Variants in MYO7B observed in about 807,000 individuals in gnomAD.
The protein encoded by MYO7B is myosin VIIB.
A neutral mutation model predicts 259.7 loss-of-function variants in MYO7B; 212 were observed. The ratio of observed to expected loss-of-function variants is 0.82; its 90% confidence interval spans 0.73 to 0.91. The LOEUF is 0.91. Among genes scored for constraint, MYO7B ranks in the 40% least tolerant of loss-of-function variants. MYO7B has a pLI of 0.00. For missense variants in MYO7B, 2,732 were observed against 2,813.5 expected (o/e 0.97, Z 0.66); for synonymous variants, 1,197 against 1,166.4 (o/e 1.03, Z -0.54).
rs375131820 is a variant in MYO7B at position 127,609,965 on chromosome 2, G to T, written c.3141G>T (p.Thr1047=). 3.1e-6 allele frequency: 5 copies of T among 1,607,542 alleles called. No individual in the cohort carries two copies. The highest frequency in any genetic ancestry group is 2.2e-5 in the South Asian group (2 of 90,134). ...CAGTGATGCGGCAGATCCATGACAC[G>T]CTGGGCAGGGAGCACGGTGCCCAGG... ...GSSVMRQIHD[T]LGREHGAQVP... Residue 1047 remains threonine, a synonymous_variant, in exon 24 of 48, where the codon ACG becomes ACT. Transcript: ENST00000409816. The surrounding 1 kb of genome is among the most constrained non-coding windows in gnomAD (Gnocchi z 6.9).
Position 127,628,373 on chromosome 2 carries a change from G to T in MYO7B, c.4462G>T (p.Glu1488Ter), listed in dbSNP as rs192900059. The T allele has an allele frequency of 3.0e-5, 48 of 1,599,074 alleles. No individual in the cohort carries two copies. Among genetic ancestry groups the T allele is most frequent in the Non-Finnish European group, 3.7e-5 (44 of 1,175,236 alleles). ...PEVMGLATNR[E>*]AQGGQRLLLS... Reference sequence around the variant, plus strand: ...GGTCACGCTGTCCTTCATCTCCAGGGAGGCCCAGGGCGGGCAGAGGCTGCT... The same window carrying T: ...GGTCACGCTGTCCTTCATCTCCAGGTAGGCCCAGGGCGGGCAGAGGCTGCT... The change falls in exon 34 of 48, where the codon GAG becomes TAG. Residue 1488 changes from glutamate (E) to a stop codon, truncating the protein, a stop_gained and splice_region_variant. Transcript: ENST00000409816. LOFTEE classifies it high-confidence loss of function. This position sits in a 1 kb window ranked among gnomAD's most constrained non-coding sequence, Gnocchi z 4.8.
At position 127,592,930 on chromosome 2, in the gene MYO7B, A is replaced by G. The variant is rs1573666166; in HGVS notation, c.2129A>G (p.Asn710Ser). The G allele has an allele frequency of 6.3e-7, 1 of 1,597,930 alleles. No homozygotes were observed. The highest frequency in any genetic ancestry group is 8.5e-7 in the Non-Finnish European group (1 of 1,173,142). Residue 710 changes from asparagine (N) to serine (S), a missense_variant, in exon 17 of 48, where the codon AAC becomes AGC. Asn to Ser is a conservative substitution (Grantham distance 46). Around this residue, in one of 3 missense-constraint regions of MYO7B, gnomAD observed 1,906 missense variants for 2,026.4 expected, o/e 0.94. Coordinates refer to ENST00000409816, the MANE Select transcript of MYO7B (RefSeq NM_001393586.1). Reference protein sequence around the residue: ...FSQRFGVLLPNAMRMQLQGKL... With the variant: ...FSQRFGVLLPSAMRMQLQGKL... Reference sequence around the variant, plus strand: ...CAGAGGTTCGGCGTGTTGCTGCCCAACGCCATGCGGATGCAGGTCAGCGCC... The same window carrying G: ...CAGAGGTTCGGCGTGTTGCTGCCCAGCGCCATGCGGATGCAGGTCAGCGCC...
chr2:127,588,250 G>A, intron 14 of MYO7B, 142 bp from the exon 15 acceptor site: 1 of 909,878 alleles, frequency 1.1e-6, no homozygotes, highest in Non-Finnish European at 1.6e-6. Context: ...GGGTAGAGGG[G>A]TGGAGAGCAT....
intron 31 of MYO7B, 57 bp from the exon 32 acceptor site, chr2:127,626,918 T>G (rs1681158387): frequency 1.4e-6 from 2 of 1,457,950 alleles, no homozygotes; most frequent in South Asian, 1.2e-5. Context: ...GAGCACTAGG[T>G]GAGGGATTCA....
In MYO7B at chr2:127,627,794, T is replaced by C. The variant is rs1414511158; in HGVS notation, c.4460+484T>C. The C allele has an allele frequency of 6.6e-6, 3 of 457,660 alleles. No homozygotes were observed. Among genetic ancestry groups the C allele is most frequent in the Non-Finnish European group, 1.3e-5 (3 of 227,760 alleles). 28.3% of individuals were successfully genotyped at this position (457,660 alleles called of 1,614,324 possible). A position where few individuals can be genotyped will look rare whatever the true frequency, so the allele number is the denominator to read the frequency against. ...ATGGATCTCATTGACTGGGAACTTT[T>C]CCATGCCCTTTGGGAAGTCCCACCC... On this transcript the variant is annotated intron_variant, in intron 33 of 47. Coordinates refer to ENST00000409816, the MANE Select transcript of MYO7B (RefSeq NM_001393586.1). The surrounding 1 kb of genome is among the most constrained non-coding windows in gnomAD (Gnocchi z 5.6).
At chr2:127,567,252 AAG>A (rs1457638769) in intron 5 of MYO7B, among the ~76,000 whole-genome samples, 17 of 152,334 alleles carry the variant, frequency 1.1e-4, no homozygotes, top group African/African-American at 3.8e-4. Flanking sequence ...AAAATAAAAA[AAG>A]AAAAAGATAT....
In MYO7B at chr2:127,596,327, G is replaced by C. The variant is rs549860715; in HGVS notation, c.2245-135G>C. On this transcript the variant is annotated intron_variant, in intron 18 of 47. Transcript: ENST00000409816. ...CTCTGAGCAACATCAAGGTCACTTT[G>C]AGGGCCCCCTTCTCTGGCCTGCCCT... is the stretch of plus-strand genomic sequence containing the variant. 1.6e-5 allele frequency: 11 copies of C among 684,460 alleles called. No homozygotes were observed. The South Asian group carries it at 1.7e-4, about 11-fold the overall frequency. 42.4% of individuals were successfully genotyped at this position (684,460 alleles called of 1,614,324 possible). A position where few individuals can be genotyped will look rare whatever the true frequency, so the allele number is the denominator to read the frequency against.
At chr2:127,596,778 G>T (rs1162986794) in intron 19 of MYO7B, among the ~76,000 whole-genome samples, 1 of 152,254 alleles carries the variant, frequency 6.6e-6, no homozygotes, top group Non-Finnish European at 1.5e-5. Flanking sequence ...CACTCCATAT[G>T]CAAGAGATGG....
At chr2:127,568,899 CA>C (rs375326672) in intron 5 of MYO7B, among the ~76,000 whole-genome samples, 237 of 130,174 alleles carry the variant, frequency 1.8e-3, no homozygotes, top group Non-Finnish European at 1.7e-3. Flanking sequence ...GACTCCGTCT[CA>C]AAAAAAAAAA....
chr2:127,569,822 C>A lies in MYO7B; in HGVS notation c.504C>A (p.Thr168=). The A allele has an allele frequency of 6.2e-7, 1 of 1,613,348 alleles. No homozygotes were observed. Among genetic ancestry groups the A allele is most frequent in the South Asian group, 1.1e-5 (1 of 90,958 alleles). The change falls in exon 6 of 48, where the codon ACC becomes ACA. Residue 168 remains threonine, a synonymous_variant. Coordinates refer to ENST00000409816, the MANE Select transcript of MYO7B (RefSeq NM_001393586.1). ...CTGGGGCTGGCAAGACGGAGACCAC[C>A]AAGCTCATCCTGCAGTTCCTGGCCA... ...GESGAGKTET[T]KLILQFLATI... is the part of the protein sequence containing the mutation.
chr2:127,596,491 G>A lies in MYO7B; in HGVS notation c.2274G>A (p.Gln758=). The A allele has an allele frequency of 6.2e-7, 1 of 1,613,710 alleles. No homozygotes were observed. The highest frequency in any genetic ancestry group is 8.5e-7 in the Non-Finnish European group (1 of 1,179,780). Residue 758 remains glutamine, a synonymous_variant, in exon 19 of 48, where the codon CAG becomes CAA. Coordinates refer to ENST00000409816, the MANE Select transcript of MYO7B (RefSeq NM_001393586.1). ...RDHQDTLLEV[Q]RSQVLDRAAL... ...ATCAGGACACTCTGCTGGAGGTACA[G>A]AGAAGCCAGGTGCTAGACAGAGCGG...
At chr2:127,631,822 G>A (rs575393885) in intron 38 of MYO7B, 69 bp downstream of exon 38, 36 of 1,547,626 alleles carry the variant, frequency 2.3e-5, no homozygotes, top group Middle Eastern at 2.2e-4. Context: ...AGGCCAGACC[G>A]AGGCTCAGAG....
intron 28 of MYO7B, 98 bp from the exon 29 acceptor site, chr2:127,623,103 GC>G: frequency 7.1e-7 from 1 of 1,405,790 alleles, no homozygotes; most frequent in Non-Finnish European, 9.7e-7. Context: ...GGCAAGCAGG[GC>G]CCATGGGCTG....
chr2:127,637,712 A>C lies in MYO7B; in HGVS notation c.*295A>C. ...CACCCCACCAGAATGTTCAATAAAA[A>C]CTCCTGGAGCAGGAGAAGTGTGTCT... On this transcript the variant is annotated 3_prime_UTR_variant, in exon 48 of 48. Transcript: ENST00000409816. 1 of 334,182 alleles carries C rather than the reference A, an allele frequency of 3.0e-6. No homozygotes were observed. The allele number at this position is 334,182 out of a possible 1,614,324, so 20.7% of individuals were successfully genotyped here.
chr2:127,614,612 G>A lies in MYO7B; in HGVS notation c.3398+2009G>A, dbSNP rs1192670528. Among the ~76,000 whole-genome samples, 2 of 152,144 alleles carry A rather than the reference G, an allele frequency of 1.3e-5. No individual in the cohort carries two copies. The highest frequency in any genetic ancestry group is 2.9e-5 in the Non-Finnish European group (2 of 68,028). ...TAGTACCCTGGGAGGTGGCAAATGG[G>A]CTTCTGGAGCTCAGCAGGCATCAGA... is the stretch of plus-strand genomic sequence containing the variant. On this transcript the variant is annotated intron_variant, in intron 26 of 47. Transcript: ENST00000409816. The surrounding 1 kb of genome is among the most constrained non-coding windows in gnomAD (Gnocchi z 4.6).
intron 1 of MYO7B, among the ~76,000 whole-genome samples, chr2:127,552,604 G>C (rs937833461): frequency 2.0e-5 from 3 of 152,186 alleles, no homozygotes; most frequent in African/African-American, 7.2e-5. Flanking sequence ...GACCAACATG[G>C]GGTCTCCTGT....
chr2:127,624,434 G>A, intron 30 of MYO7B, 114 bp downstream of exon 30: 5 of 924,674 alleles, frequency 5.4e-6, no homozygotes, highest in Non-Finnish European at 6.4e-6. Flanking sequence ...GCAGGAAAGG[G>A]GGTCACAAGG....
chr2:127,578,408 A>T, intron 9 of MYO7B, 122 bp downstream of exon 9: 2 of 1,263,038 alleles, frequency 1.6e-6, no homozygotes, highest in Non-Finnish European at 2.2e-6. Context: ...GCCTGGAAAA[A>T]TATATCTAAA....
intron 1 of MYO7B, among the ~76,000 whole-genome samples, chr2:127,551,398 C>T (rs989214845): frequency 1.4e-4 from 22 of 152,158 alleles, no homozygotes; most frequent in African/African-American, 5.1e-4. Flanking sequence ...TCTCACAACA[C>T]GGGCCTCTCC....
Sources: allele counts gnomAD v4.1 joint callset (sites outside exome capture counted in the v4.1 genomes callset), GRCh38; gene constraint gnomAD v4.1.1; regional missense constraint gnomAD v4.1.1; non-coding constraint Gnocchi (gnomAD v3.1); transcripts MANE v1.5; gene names NCBI Gene and HGNC (gene_info 2026-07-23, HGNC 2026-07-21).